ELMO2: variants seen among roughly 807,000 people sequenced by gnomAD.
ELMO2 encodes engulfment and cell motility 2.
A neutral mutation model predicts 96.2 loss-of-function variants in ELMO2; 37 were observed. That is an observed-to-expected ratio of 0.38 (90% CI 0.30 to 0.51). The LOEUF (loss-of-function observed/expected upper bound fraction) is 0.51, where lower values mean the gene tolerates loss of function less well. Among genes scored for constraint, ELMO2 ranks in the 20% least tolerant of loss-of-function variants. The probability of loss-of-function intolerance (pLI) is 0.88; values close to 1 mark genes in which losing one functional copy is unlikely to be tolerated. For missense variants in ELMO2, 561 were observed against 912.6 expected (o/e 0.61, Z 4.96); for synonymous variants, 315 against 329.4 (o/e 0.96, Z 0.47).
chr20:46,393,672 CAA>C (rs1448795327), intron 4 of ELMO2, 71 bp from the exon 5 acceptor site: 3 of 1,527,200 alleles, frequency 2.0e-6, no homozygotes, highest in Admixed American at 1.7e-5. Flanking sequence ...AAGTAATTTT[CAA>C]AAGAGTTGCT....
intron 6 of ELMO2, among the ~76,000 whole-genome samples, chr20:46,389,472 G>A (rs2060112543): frequency 6.6e-6 from 1 of 152,178 alleles, no homozygotes; most frequent in African/African-American, 2.4e-5. Flanking sequence ...TTCCTACCAA[G>A]GGAATACTGG....
chr20:46,382,215 C>G, intron 10 of ELMO2: 1 of 1,289,854 alleles, frequency 7.8e-7, no homozygotes, highest in Non-Finnish European at 1.0e-6. Context: ...CAGTGACAGG[C>G]AGGTCTAGAG....
At position 46,393,877 on chromosome 20, in the gene ELMO2, G is replaced by A. The variant is rs8114320; in HGVS notation, c.119+172C>T. The stretch of plus-strand genomic sequence containing the variant: ...AAGGAAAAAATTAAGAAGTATAAAC[G>A]TCTTAGGGGTATGGTTGTCAACTGT... On this transcript the variant is annotated intron_variant, in intron 4 of 21. Coordinates refer to ENST00000290246, the MANE Select transcript of ELMO2 (RefSeq NM_133171.5). The A allele has an allele frequency of 5.5e-4, 506 of 913,370 alleles. 1 individual carries two copies. In the African/African-American group the frequency reaches 7.6e-3, roughly 14 times the overall value. 56.6% of individuals were successfully genotyped at this position (913,370 alleles called of 1,614,324 possible).
chr20:46,373,154 G>C, intron 16 of ELMO2: 1 of 500,196 alleles, frequency 2.0e-6, no homozygotes, highest in Non-Finnish European at 3.6e-6. Flanking sequence ...AGGACGGGAG[G>C]GACAGGTGCT....
In ELMO2 at chr20:46,369,870, G is replaced by C. The variant is rs539713803; in HGVS notation, c.1884+573C>G. 8 of 197,124 alleles carry C rather than the reference G, an allele frequency of 4.1e-5. No homozygotes were observed. In the South Asian group the frequency reaches 5.9e-4, roughly 15 times the overall value. 12.2% of individuals were successfully genotyped at this position (197,124 alleles called of 1,614,324 possible). ...TCAGCTAATAAACTGCAAAGGAAAA[G>C]ATGGTGGGGGATGGGGGGGCGGGGG... On this transcript the variant is annotated intron_variant, in intron 20 of 21. Coordinates refer to ENST00000290246, the MANE Select transcript of ELMO2 (RefSeq NM_133171.5).
intron 20 of ELMO2, chr20:46,369,961 G>GGGGTGTGTGT (rs1491178839): frequency 4.0e-5 from 2 of 49,480 alleles, no homozygotes; most frequent in African/African-American, 1.2e-4. Flanking sequence ...TGGGTATGGG[G>GGGGTGTGTGT]GTGTGTGTGT....
chr20:46,386,292 CACATCAATTGAGAAGCTCAGGG>C lies in ELMO2; in HGVS notation c.526-39_526-18del. On this transcript the variant is annotated intron_variant, in intron 8 of 21. Transcript: ENST00000290246. ...CCCTGCAATCTAGACCCAGAGATGGCACATCAATTGAGAAGCTCAGGGCCCAAGAAAGATAGAAGCTTAGCAT... is the reference window on the plus strand; with the variant it reads ...CCCTGCAATCTAGACCCAGAGATGGCCCCAAGAAAGATAGAAGCTTAGCAT... 6.2e-7 allele frequency: 1 copy of C among 1,612,692 alleles called. No individual in the cohort carries two copies. The highest frequency in any genetic ancestry group is 1.7e-5 in the Admixed American group (1 of 59,906).
chr20:46,394,811 T>C (rs1461486688), intron 2 of ELMO2, among the ~76,000 whole-genome samples: 1 of 152,216 alleles, frequency 6.6e-6, no homozygotes, highest in Non-Finnish European at 1.5e-5. Context: ...GAAGACTCAG[T>C]GGTAGAGGAA....
At chr20:46,386,366 T>C in intron 8 of ELMO2, 91 bp from the exon 9 acceptor site, 1 of 1,523,328 alleles carries the variant, frequency 6.6e-7, no homozygotes, top group Non-Finnish European at 8.9e-7. Flanking sequence ...AAGCTCTCTC[T>C]GCTTCACATT....
chr20:46,392,395 C>G (rs545865387), intron 6 of ELMO2, among the ~76,000 whole-genome samples: 1 of 152,308 alleles, frequency 6.6e-6, no homozygotes, highest in Admixed American at 6.5e-5. Context: ...TACCACTTGC[C>G]TTCACTGGGC....
intron 15 of ELMO2, 131 bp downstream of exon 15, chr20:46,374,201 C>G: frequency 1.6e-6 from 1 of 631,162 alleles, no homozygotes; most frequent in South Asian, 1.7e-5. Context: ...CTCAGTCTCC[C>G]AAAGTGCTGA....
At chr20:46,376,721 C>T (rs1349151002) in intron 11 of ELMO2, 1 of 1,289,512 alleles carries the variant, frequency 7.8e-7, no homozygotes, top group Non-Finnish European at 1.0e-6. Flanking sequence ...AATCCTGTCC[C>T]TCTTGGTTCT....
At chr20:46,394,718 G>T (rs1319894174) in intron 2 of ELMO2, among the ~76,000 whole-genome samples, 186 bp from the exon 3 acceptor site, 2 of 152,226 alleles carry the variant, frequency 1.3e-5, no homozygotes, top group Non-Finnish European at 2.9e-5. Context: ...AAATCAGCAA[G>T]AAGAAATGGG....
intron 1 of ELMO2, among the ~76,000 whole-genome samples, chr20:46,405,653 C>G (rs148293011): frequency 6.6e-6 from 1 of 151,970 alleles, no homozygotes; most frequent in Non-Finnish European, 1.5e-5. Flanking sequence ...TCTGGGAGGC[C>G]GAGACGGGCG....
chr20:46,368,709 A>G (rs1341697428), intron 21 of ELMO2, among the ~76,000 whole-genome samples, 182 bp downstream of exon 21: 1 of 152,076 alleles, frequency 6.6e-6, no homozygotes, highest in Non-Finnish European at 1.5e-5. Flanking sequence ...CCCCAACCAC[A>G]GCTCCTCCTT....
intron 1 of ELMO2, among the ~76,000 whole-genome samples, chr20:46,404,382 C>T (rs1383583377): frequency 1.3e-5 from 2 of 152,188 alleles, no homozygotes; most frequent in Non-Finnish European, 2.9e-5. Flanking sequence ...AAGTTTGGTC[C>T]TGACTTCCTG....
rs772581746 is a variant in ELMO2, at chr20:46,386,141, G to A, written c.660C>T (p.Leu220=). 2 of 1,614,144 alleles carry A rather than the reference G, an allele frequency of 1.2e-6. No homozygotes were observed. The highest frequency in any genetic ancestry group is 1.1e-5 in the South Asian group (1 of 91,082). ...KIAEEITVGQ[L]ISHLQVSNQE... The stretch of plus-strand genomic sequence containing the variant: ...TTACTCACACCTGGAGGTGTGAGAT[G>A]AGCTGTCCCACGGTGATTTCCTCGG... The change falls in exon 9 of 22, where the codon CTC becomes CTT. Residue 220 remains leucine (L), a synonymous_variant. Transcript: ENST00000290246.
rs147381414 is a variant in ELMO2 at position 46,370,408 on chromosome 20, C to A, written c.1884+35G>T. ...CACCAATGGCACTCTCCAAGTATCA[C>A]TGGGCCAGCTACTCAAACTGGCCTC... On this transcript the variant is annotated intron_variant, in intron 20 of 21. Coordinates refer to ENST00000290246, the MANE Select transcript of ELMO2 (RefSeq NM_133171.5). 1.9e-3 allele frequency: 2,954 copies of A among 1,594,978 alleles called. 59 individuals are homozygous for A. The East Asian group carries it at 0.049, about 26-fold the overall frequency.
At chr20:46,392,351 T>C (rs1411734265) in intron 6 of ELMO2, among the ~76,000 whole-genome samples, 1 of 152,166 alleles carries the variant, frequency 6.6e-6, no homozygotes, top group Admixed American at 6.5e-5. Flanking sequence ...GCTTACCTCC[T>C]AGATACTCTT....
Sources: allele counts gnomAD v4.1 joint callset (sites outside exome capture counted in the v4.1 genomes callset), GRCh38; gene constraint gnomAD v4.1.1; transcripts MANE v1.5; gene names NCBI Gene and HGNC (gene_info 2026-07-23, HGNC 2026-07-21).